NDE1: variants seen among roughly 807,000 people sequenced by gnomAD.
NDE1 encodes the protein nuclear distribution protein nudE homolog 1.
In NDE1, 28 loss-of-function variants were observed where a neutral mutation model predicts 43.4. The ratio of observed to expected loss-of-function variants is 0.65; its 90% CI spans 0.48 to 0.89. The LOEUF is 0.89. Among genes scored for constraint, NDE1 ranks in the 40% least tolerant of loss-of-function variants. The pLI, the probability that NDE1 is intolerant of heterozygous loss-of-function variation, is 0.00. For synonymous variants in NDE1, 184 were observed against 172.0 expected (o/e 1.07, Z -0.55); for missense variants, 441 against 434.1 (o/e 1.02, Z -0.14).
At chr16:15,667,587 A>G (rs867379170) in intron 3 of NDE1, 148 bp downstream of exon 3, 3 of 856,970 alleles carry the variant, frequency 3.5e-6, no homozygotes, top group African/African-American at 1.8e-5. Flanking sequence ...GGCAGACGTG[A>G]TCTTTGAACT....
chr16:15,689,347 T>C (rs2038610952), intron 5 of NDE1, among the ~76,000 whole-genome samples: 1 of 151,888 alleles, frequency 6.6e-6, no homozygotes, highest in Non-Finnish European at 1.5e-5. Context: ...ATTGTAAAAA[T>C]TAGGCCTGGT....
chr16:15,725,115 G>A lies in NDE1; in HGVS notation c.*864G>A, dbSNP rs1247771799. The A allele has an allele frequency of 3.9e-5, 29 of 746,394 alleles. No homozygotes were observed. Among genetic ancestry groups the A allele is most frequent in the East Asian group, 5.4e-5 (2 of 37,224 alleles). 46.2% of individuals were successfully genotyped at this position (746,394 alleles called of 1,614,324 possible). On this transcript the variant is annotated 3_prime_UTR_variant, in exon 9 of 9. Coordinates refer to ENST00000396354, the MANE Select transcript of NDE1 (RefSeq NM_017668.3). The stretch of plus-strand genomic sequence containing the variant: ...GTGTTCACTGATTGAGAAAATACCC[G>A]TGAGGTATGGGACTCTGATAAAAAA...
chr16:15,699,488 CAA>C lies in NDE1; in HGVS notation c.947+2630_947+2631del, dbSNP rs535296941. Reference sequence around the variant, plus strand: ...TATGTTGCGTAGGCTGTAAAACAAACAAACAATAGGTAAGAGATGGATTTTTC... The same window carrying C: ...TATGTTGCGTAGGCTGTAAAACAAACACAATAGGTAAGAGATGGATTTTTC... On this transcript the variant is annotated intron_variant, in intron 8 of 8. Coordinates refer to ENST00000396354, the MANE Select transcript of NDE1 (RefSeq NM_017668.3). The C allele has an allele frequency of 7.3e-6, 8 of 1,101,718 alleles. No homozygotes were observed. The South Asian group carries it at 1.1e-4, about 16-fold the overall frequency. The allele number at this position is 1,101,718 out of a possible 1,614,324, so 68.2% of individuals were successfully genotyped here.
intron 8 of NDE1, among the ~76,000 whole-genome samples, chr16:15,707,349 T>TG (rs2039512270): frequency 1.3e-5 from 2 of 152,142 alleles, no homozygotes; most frequent in Non-Finnish European, 2.9e-5. Flanking sequence ...ATTCTATTCG[T>TG]GGACTCAGCT....
rs77667676 is a variant in NDE1 at position 15,714,166 on chromosome 16, C to T, written c.948-10025C>T. The T allele has an allele frequency of 0.011, 1,667 of 152,806 alleles. 64 individuals carry two copies. In the East Asian group the frequency reaches 0.13, roughly 12 times the overall value. The allele number at this position is 152,806 out of a possible 1,614,324, so 9.5% of individuals were successfully genotyped here. Reference sequence around the variant, plus strand: ...GAGCTAAAACCTCCTGGGAGCCAATCGGGATGGATGGACAGGGTGGTGGAA... The same window carrying T: ...GAGCTAAAACCTCCTGGGAGCCAATTGGGATGGATGGACAGGGTGGTGGAA... On this transcript the variant is annotated intron_variant, in intron 8 of 8. Coordinates refer to ENST00000396354, the MANE Select transcript of NDE1 (RefSeq NM_017668.3).
intron 8 of NDE1, among the ~76,000 whole-genome samples, chr16:15,716,469 AGT>A (rs1348321033): frequency 6.6e-6 from 1 of 152,132 alleles, no homozygotes; most frequent in African/African-American, 2.4e-5. Flanking sequence ...GAAGGCTTCC[AGT>A]GTGTGTACCA....
intron 1 of NDE1, among the ~76,000 whole-genome samples, chr16:15,654,247 G>A (rs964945086): frequency 5.3e-5 from 8 of 152,042 alleles, no homozygotes; most frequent in African/African-American, 1.9e-4. Context: ...GATAGCAGGT[G>A]CAAAGTTGTA....
intron 7 of NDE1, 179 bp downstream of exon 7, chr16:15,694,435 TC>T: frequency 6.8e-7 from 1 of 1,462,740 alleles, no homozygotes; most frequent in Non-Finnish European, 9.2e-7. Context: ...AGCCTCAAAA[TC>T]CTGGGTTCAA....
At chr16:15,719,373 C>T (rs1490101495) in intron 8 of NDE1, 2 of 1,561,514 alleles carry the variant, frequency 1.3e-6, no homozygotes, top group East Asian at 2.2e-5. Flanking sequence ...AGAGTCCACC[C>T]TGACAACTCA....
chr16:15,724,715 C>T lies in NDE1; in HGVS notation c.*464C>T. The T allele has an allele frequency of 6.2e-7, 1 of 1,614,218 alleles. No homozygotes were observed. The highest frequency in any genetic ancestry group is 8.5e-7 in the Non-Finnish European group (1 of 1,180,034). ...GCCTCCATCTCCTCGTCCAGCTGGT[C>T]TTGCAGGCTGTTCCGCTCCTCCTCC... On this transcript the variant is annotated 3_prime_UTR_variant, in exon 9 of 9. Transcript: ENST00000396354.
At chr16:15,670,540 C>G (rs1458981671) in intron 3 of NDE1, among the ~76,000 whole-genome samples, 2 of 151,934 alleles carry the variant, frequency 1.3e-5, no homozygotes, top group Non-Finnish European at 2.9e-5. Context: ...GCCTGTAATC[C>G]CAGCTACTTG....
intron 8 of NDE1, among the ~76,000 whole-genome samples, chr16:15,702,465 A>G (rs2039252202): frequency 6.6e-6 from 1 of 151,946 alleles, no homozygotes; most frequent in Non-Finnish European, 1.5e-5. Flanking sequence ...ATCATAGCTC[A>G]CTGCAGCCTG....
intron 1 of NDE1, among the ~76,000 whole-genome samples, chr16:15,652,618 A>C (rs71376079): frequency 0.039 from 5,994 of 152,254 alleles, 235 homozygotes; most frequent in East Asian, 0.17. Flanking sequence ...GTTCAGTAGA[A>C]TAAAATTATC....
In NDE1 at chr16:15,724,986, C is replaced by G. The variant is rs1264354643; in HGVS notation, c.*735C>G. 2 of 1,613,796 alleles carry G rather than the reference C, an allele frequency of 1.2e-6. No individual in the cohort carries two copies. Among genetic ancestry groups the G allele is most frequent in the Non-Finnish European group, 1.7e-6 (2 of 1,179,988 alleles). On this transcript the variant is annotated 3_prime_UTR_variant, in exon 9 of 9. Coordinates refer to ENST00000396354, the MANE Select transcript of NDE1 (RefSeq NM_017668.3). ...TTAAGCATCCCTGTGACGCTCTCAA[C>G]TTCATTCTAAGGGTGCCAAGAGACT... is the stretch of plus-strand genomic sequence containing the variant.
In NDE1 at chr16:15,687,335, G is replaced by A. The variant is rs114010924; in HGVS notation, c.387-40G>A. 19 of 1,613,664 alleles carry A rather than the reference G, an allele frequency of 1.2e-5. No individual in the cohort carries two copies. In the South Asian group the frequency reaches 1.4e-4, roughly 12 times the overall value. ...ATCCGCGGTGCTGGAGGGATGCTGC[G>A]GTTTGTCCTCTTGGATAACTCTGCT... is the stretch of plus-strand genomic sequence containing the variant. On this transcript the variant is annotated intron_variant, in intron 4 of 8. Transcript: ENST00000396354.
chr16:15,721,360 T>C, intron 8 of NDE1: 1 of 1,551,396 alleles, frequency 6.4e-7, no homozygotes, highest in Non-Finnish European at 8.9e-7. Flanking sequence ...CATGGACTGG[T>C]GAATAGCACA....
chr16:15,681,914 A>G (rs1030316277), intron 4 of NDE1, among the ~76,000 whole-genome samples: 2 of 152,096 alleles, frequency 1.3e-5, no homozygotes, highest in African/African-American at 2.4e-5. Context: ...GGGTTTCACC[A>G]TGTTGGCCAG....
upstream of NDE1, among the ~76,000 whole-genome samples, chr16:15,645,693 T>C (rs2036318275): frequency 2.0e-5 from 3 of 152,240 alleles, no homozygotes; most frequent in Admixed American, 2.0e-4. Flanking sequence ...TTCCTGTTTC[T>C]TTGCTGGGAA....
At position 15,650,258 on chromosome 16, in the gene NDE1, C is replaced by CCGT; in HGVS notation, c.-78_-77insTCG. On this transcript the variant is annotated 5_prime_UTR_variant, in exon 1 of 9. Transcript: ENST00000396354. ...GCACCGCCCTTCGCAGCCGCCTCTG[C>CCGT]CGCCGCCGCCGCGTTGGCCTCGCCG... The CCGT allele has an allele frequency of 3.4e-6, 1 of 291,190 alleles. No individual in the cohort carries two copies. The allele number at this position is 291,190 out of a possible 1,614,324, so 18.0% of individuals were successfully genotyped here. A position where few individuals can be genotyped will look rare whatever the true frequency, so the allele number is the denominator to read the frequency against.
Sources: gnomAD v4.1 joint callset for allele counts (sites outside exome capture counted in the v4.1 genomes callset) on GRCh38, gnomAD v4.1.1 for gene constraint, MANE v1.5 for transcripts, NCBI Gene and HGNC (gene_info 2026-07-23, HGNC 2026-07-21) for gene names.